Variants in ST3GAL2 observed in about 807,000 individuals in gnomAD.
The protein encoded by ST3GAL2 is CMP-N-acetylneuraminate-beta-galactosamide-alpha-2,3-sialyltransferase 2.
In ST3GAL2, 16 loss-of-function variants were observed where a neutral mutation model predicts 37.5. That is an observed-to-expected ratio of 0.43 (90% CI 0.29 to 0.65). The LOEUF is 0.65. Among genes scored for constraint, ST3GAL2 ranks in the 30% least tolerant of loss-of-function variants. The pLI, the probability that ST3GAL2 is intolerant of heterozygous loss-of-function variation, is 0.17. For synonymous variants in ST3GAL2, 238 were observed against 202.9 expected (o/e 1.17, Z -1.47); for missense variants, 383 against 487.8 (o/e 0.79, Z 2.02).
At chr16:70,409,071 A>G (rs1483991670) in intron 1 of ST3GAL2, among the ~76,000 whole-genome samples, 5 of 151,964 alleles carry the variant, frequency 3.3e-5, no homozygotes, top group Admixed American at 6.6e-5. Flanking sequence ...CTGTGTTTTG[A>G]GTCGGAGTGG....
chr16:70,386,924 G>A (rs1189536787), intron 4 of ST3GAL2, among the ~76,000 whole-genome samples: 5 of 152,066 alleles, frequency 3.3e-5, no homozygotes, highest in Non-Finnish European at 4.4e-5. Context: ...GATTACATGC[G>A]TGAGCCGCAG....
chr16:70,405,843 G>A lies in ST3GAL2; in HGVS notation c.-1003-6310C>T, dbSNP rs559551808. On this transcript the variant is annotated intron_variant, in intron 1 of 6. Transcript: ENST00000342907. The stretch of plus-strand genomic sequence containing the variant: ...TGGGAGGCCGAGGCAGGTGGATCAC[G>A]AGGTCAGGAGATCAAGACCATCCTG... 4.0e-5 allele frequency among the ~76,000 whole-genome samples: 6 copies of A among 150,960 alleles called. No homozygotes were observed. In the East Asian group the frequency reaches 1.2e-3, roughly 30 times the overall value.
intron 1 of ST3GAL2, among the ~76,000 whole-genome samples, chr16:70,427,629 G>A (rs534396714): frequency 2.5e-4 from 38 of 152,248 alleles, no homozygotes; most frequent in African/African-American, 8.4e-4. Context: ...GAGCCACTGC[G>A]CCTGGCCAAA....
intron 1 of ST3GAL2, among the ~76,000 whole-genome samples, chr16:70,412,925 G>C (rs575856482): frequency 5.3e-4 from 80 of 151,960 alleles, no homozygotes; most frequent in Admixed American, 1.6e-3. Flanking sequence ...GCATGCCTGT[G>C]GTCCCAGAAA....
intron 4 of ST3GAL2, 58 bp downstream of exon 4, chr16:70,388,309 G>A: frequency 6.2e-7 from 1 of 1,603,938 alleles, no homozygotes; most frequent in Non-Finnish European, 8.5e-7. Flanking sequence ...GCCCCTAGAA[G>A]ACTCTGCCCA....
rs879794963 is a variant in ST3GAL2, at chr16:70,406,060, C to CA, written c.-1003-6528dup. Among the ~76,000 whole-genome samples the CA allele has an allele frequency of 8.3e-3, 900 of 108,256 alleles. 4 individuals are homozygous for CA. The highest frequency in any genetic ancestry group is 0.011 in the Middle Eastern group (2 of 174). 71.0% of individuals were successfully genotyped at this position (108,256 alleles called of 152,430 possible). On this transcript the variant is annotated intron_variant, in intron 1 of 6. Transcript: ENST00000342907. Reference sequence around the variant, plus strand: ...TGGGCAACAGAGCAGGACTCCGTCTCAAAAAAAAAAAAAGCCACTGACTTG... The same window carrying CA: ...TGGGCAACAGAGCAGGACTCCGTCTCAAAAAAAAAAAAAAGCCACTGACTTG...
intron 1 of ST3GAL2, among the ~76,000 whole-genome samples, chr16:70,405,588 A>G (rs1277795919): frequency 6.6e-6 from 1 of 151,598 alleles, no homozygotes; most frequent in Admixed American, 6.6e-5. Context: ...AATAAGGCAC[A>G]AAAGGCCCCA....
Position 70,377,146 on chromosome 16 carries a change from C to A in ST3GAL2, c.*4543G>T, listed in dbSNP as rs567845170. 1.4e-5 allele frequency: 2 copies of A among 144,636 alleles called. No individual in the cohort carries two copies. Among genetic ancestry groups the A allele is most frequent in the African/African-American group, 2.6e-5 (1 of 38,410 alleles). 9.0% of individuals were successfully genotyped at this position (144,636 alleles called of 1,614,324 possible). A position where few individuals can be genotyped will look rare whatever the true frequency, so the allele number is the denominator to read the frequency against. On this transcript the variant is annotated 3_prime_UTR_variant, in exon 7 of 7. Coordinates refer to ENST00000342907, the MANE Select transcript of ST3GAL2 (RefSeq NM_006927.4). Reference sequence around the variant, plus strand: ...GTTTTTGAGGCTGCAGTGAGCTCTGCACCAGTCTGGGCGACAGGAGACCCT... The same window carrying A: ...GTTTTTGAGGCTGCAGTGAGCTCTGAACCAGTCTGGGCGACAGGAGACCCT...
rs142831439 is a variant in ST3GAL2 at position 70,422,154 on chromosome 16, G to A, written c.-1004+16795C>T. 3.6e-4 allele frequency among the ~76,000 whole-genome samples: 55 copies of A among 152,308 alleles called. No individual in the cohort carries two copies. The East Asian group carries it at 0.01, about 28-fold the overall frequency. ...GTGCTCAATAGCAGAGCAGCTGTGT[G>A]TCTTTGGGCAAATCACACCTCTCTG... On this transcript the variant is annotated intron_variant, in intron 1 of 6. Coordinates refer to ENST00000342907, the MANE Select transcript of ST3GAL2 (RefSeq NM_006927.4).
Position 70,381,644 on chromosome 16 carries a change from C to T in ST3GAL2, c.*45G>A. 1 of 1,598,338 alleles carries T rather than the reference C, an allele frequency of 6.3e-7. No homozygotes were observed. Among genetic ancestry groups the T allele is most frequent in the Non-Finnish European group, 8.5e-7 (1 of 1,172,042 alleles). On this transcript the variant is annotated 3_prime_UTR_variant, in exon 7 of 7. Coordinates refer to ENST00000342907, the MANE Select transcript of ST3GAL2 (RefSeq NM_006927.4). ...TGGTCCTGGGTCCCGGGCCGGAGCC[C>T]CGGTGCCCGATAGATGGGCCGGAAG...
intron 1 of ST3GAL2, among the ~76,000 whole-genome samples, chr16:70,419,192 A>T (rs2047696846): frequency 6.6e-6 from 1 of 152,220 alleles, no homozygotes; most frequent in Admixed American, 6.5e-5. Context: ...GGCTGATGGC[A>T]AGGGGCTAAG....
At chr16:70,424,842 G>A (rs1412300767) in intron 1 of ST3GAL2, among the ~76,000 whole-genome samples, 3 of 152,130 alleles carry the variant, frequency 2.0e-5, no homozygotes, top group East Asian at 1.9e-4. Context: ...GTGCCTGCTC[G>A]TGGCACAGGC....
intron 1 of ST3GAL2, among the ~76,000 whole-genome samples, chr16:70,424,953 G>A (rs769428227): frequency 1.3e-5 from 2 of 152,184 alleles, no homozygotes; most frequent in Non-Finnish European, 2.9e-5. Flanking sequence ...CTGTGGCTGG[G>A]TGCATTTGGT....
At chr16:70,385,253 G>A (rs982478027) in intron 4 of ST3GAL2, among the ~76,000 whole-genome samples, 25 of 152,182 alleles carry the variant, frequency 1.6e-4, no homozygotes, top group African/African-American at 5.3e-4. Context: ...CCGAGAAGGC[G>A]CCATTGCACT....
chr16:70,383,153 T>A, intron 5 of ST3GAL2, 37 bp downstream of exon 5: 1 of 1,611,646 alleles, frequency 6.2e-7, no homozygotes, highest in East Asian at 2.2e-5. Flanking sequence ...GGGCCAGCAC[T>A]GTTTCCACTG....
At chr16:70,389,627 G>A (rs1218485992) in intron 3 of ST3GAL2, among the ~76,000 whole-genome samples, 1 of 152,038 alleles carries the variant, frequency 6.6e-6, no homozygotes, top group Non-Finnish European at 1.5e-5. Context: ...GCTACGTCCA[G>A]CTAATTTTTT....
In ST3GAL2 at chr16:70,380,718, CAA is replaced by C. The variant is rs879054407; in HGVS notation, c.*969_*970del. ...GCTTAACCAAAGAATGAGCCCCAGG[CAA>C]AGTTACCCCCAGGCAAGAGGCGATG... On this transcript the variant is annotated 3_prime_UTR_variant, in exon 7 of 7. Coordinates refer to ENST00000342907, the MANE Select transcript of ST3GAL2 (RefSeq NM_006927.4). 1.3e-5 allele frequency: 2 copies of C among 152,482 alleles called. No individual in the cohort carries two copies. Among genetic ancestry groups the C allele is most frequent in the Admixed American group, 6.5e-5 (1 of 15,280 alleles). The allele number at this position is 152,482 out of a possible 1,614,324, so 9.4% of individuals were successfully genotyped here.
chr16:70,411,187 C>A (rs1367668316), intron 1 of ST3GAL2, among the ~76,000 whole-genome samples: 3 of 151,674 alleles, frequency 2.0e-5, no homozygotes, highest in Admixed American at 1.3e-4. Flanking sequence ...GAGTTCGAGA[C>A]CAGCCTGGGC....
intron 1 of ST3GAL2, among the ~76,000 whole-genome samples, chr16:70,425,989 C>T (rs2047746995): frequency 6.6e-6 from 1 of 152,046 alleles, no homozygotes; most frequent in East Asian, 1.9e-4. Flanking sequence ...TAAACACTGC[C>T]CACCATCAGA....
Sources: allele counts gnomAD v4.1 joint callset (sites outside exome capture counted in the v4.1 genomes callset), GRCh38; gene constraint gnomAD v4.1.1; transcripts MANE v1.5; gene names NCBI Gene and HGNC (gene_info 2026-07-23, HGNC 2026-07-21).